Variants in MBD5 observed in about 807,000 individuals in gnomAD.
The protein encoded by MBD5 is methyl-CpG binding domain protein 5, also known as methyl-CpG-binding domain protein 5.
MBD5 carries 13 observed loss-of-function variants against 117.3 expected under a neutral mutation model. That is an observed-to-expected ratio of 0.11 (90% CI 0.07 to 0.18). MBD5 has a LOEUF of 0.18. MBD5 is among the 10% of genes least tolerant of loss of function. The pLI is 1.00. For synonymous variants in MBD5, 727 were observed against 766.4 expected (o/e 0.95, Z 0.85); for missense variants, 1,879 against 2,093.8 (o/e 0.90, Z 2.00).
intron 3 of MBD5, among the ~76,000 whole-genome samples, chr2:148,336,829 C>G (rs1248021987): frequency 6.6e-6 from 1 of 152,150 alleles, no homozygotes; most frequent in East Asian, 1.9e-4. Flanking sequence ...CCTTTTGGTA[C>G]CATGTGCCAG....
chr2:148,145,606 A>G (rs2105580389), intron 1 of MBD5, among the ~76,000 whole-genome samples: 1 of 152,248 alleles, frequency 6.6e-6, no homozygotes, highest in African/African-American at 2.4e-5. Context: ...AGCTCTTATT[A>G]TTTTGAGATA....
intron 4 of MBD5, among the ~76,000 whole-genome samples, chr2:148,388,852 A>T (rs751394211): frequency 6.6e-6 from 1 of 152,092 alleles, no homozygotes; most frequent in African/African-American, 2.4e-5. Flanking sequence ...CAAAATTATT[A>T]TAATTTCAGG....
intron 2 of MBD5, among the ~76,000 whole-genome samples, chr2:148,213,492 C>G (rs1699479606): frequency 6.6e-6 from 1 of 152,068 alleles, no homozygotes; most frequent in South Asian, 2.1e-4. Context: ...TCAGATGATA[C>G]TTAAACAGTA....
At chr2:148,047,322 A>G (rs1694560294) in intron 1 of MBD5, among the ~76,000 whole-genome samples, 1 of 152,196 alleles carries the variant, frequency 6.6e-6, no homozygotes, top group Non-Finnish European at 1.5e-5. Flanking sequence ...TAAGACCATG[A>G]CCTTTACTAA....
intron 1 of MBD5, among the ~76,000 whole-genome samples, chr2:148,150,817 C>T (rs1252795513): frequency 6.6e-6 from 1 of 152,132 alleles, no homozygotes; most frequent in African/African-American, 2.4e-5. Flanking sequence ...GCTGAAGTTG[C>T]TTATCAGCTT....
chr2:148,187,111 CTCAG>C (rs138721588), intron 2 of MBD5, among the ~76,000 whole-genome samples: 3,199 of 152,234 alleles, frequency 0.021, 102 homozygotes, highest in African/African-American at 0.073. Context: ...GTCCTACCTA[CTCAG>C]GAGGCTGAAG....
At position 148,342,372 on chromosome 2, in the gene MBD5, A is replaced by G. The variant is rs572611619; in HGVS notation, c.-557+36A>G. 6 of 152,126 alleles carry G rather than the reference A, an allele frequency of 3.9e-5. No individual in the cohort carries two copies. In the Middle Eastern group the frequency reaches 0.014, roughly 345 times the overall value. The allele number at this position is 152,126 out of a possible 1,614,324, so 9.4% of individuals were successfully genotyped here. On this transcript the variant is annotated intron_variant, in intron 4 of 13. Transcript: ENST00000642680. Reference sequence around the variant, plus strand: ...TGGTTTCTCTTCATAGATTCTTCATACAATTATAGTTTTTGTCTGCAGACT... The same window carrying G: ...TGGTTTCTCTTCATAGATTCTTCATGCAATTATAGTTTTTGTCTGCAGACT...
intron 1 of MBD5, among the ~76,000 whole-genome samples, chr2:148,098,748 G>A (rs1696128924): frequency 6.6e-6 from 1 of 152,052 alleles, no homozygotes; most frequent in Admixed American, 6.6e-5. Context: ...TGATGTAGGG[G>A]TTAGGAAGAA....
At chr2:148,337,664 TGTGAATAACC>T in intron 3 of MBD5, among the ~76,000 whole-genome samples, 1 of 143,064 alleles carries the variant, frequency 7.0e-6, no homozygotes, top group Non-Finnish European at 1.5e-5. Context: ...TTCTATGTCA[TGTGAATAACC>T]TATTAAAAAA....
In MBD5 at chr2:148,201,516, G is replaced by T. The variant is rs1156499299; in HGVS notation, c.-831+22723G>T. ...GCCCTGCTCTAGCCTGCACCTCCAG[G>T]GCTGCCTTGGCCTTGCTGCTGCTTC... On this transcript the variant is annotated intron_variant, in intron 2 of 13. Coordinates refer to ENST00000642680, the MANE Select transcript of MBD5 (RefSeq NM_001378120.1). Among the ~76,000 whole-genome samples the T allele has an allele frequency of 2.6e-4, 39 of 152,176 alleles. 1 individual carries two copies. The highest frequency in any genetic ancestry group is 2.6e-3 in the Admixed American group (39 of 15,274).
chr2:148,028,024 GACTCACTGTA>G (rs1358825986), intron 1 of MBD5: 2 of 152,054 alleles, frequency 1.3e-5, no homozygotes, highest in Non-Finnish European at 2.9e-5. Context: ...AAGCTGGAAT[GACTCACTGTA>G]ACTCACTATA....
intron 3 of MBD5, among the ~76,000 whole-genome samples, chr2:148,235,292 C>G (rs1700067872): frequency 6.6e-6 from 1 of 152,110 alleles, no homozygotes; most frequent in Admixed American, 6.6e-5. Flanking sequence ...ACTGACTATA[C>G]TATCAAATTT....
chr2:148,025,456 C>G (rs1693865780), intron 1 of MBD5: 1 of 150,856 alleles, frequency 6.6e-6, no homozygotes, highest in Non-Finnish European at 1.5e-5. Context: ...TGAAAATAGC[C>G]TATGTGGTTG....
rs548838849 is a variant in MBD5, at chr2:148,331,003, A to G, written c.-679-11211A>G. Among the ~76,000 whole-genome samples, 19 of 152,358 alleles carry G rather than the reference A, an allele frequency of 1.2e-4. 1 individual carries two copies. The South Asian group carries it at 3.1e-3, about 25-fold the overall frequency. On this transcript the variant is annotated intron_variant, in intron 3 of 13. Transcript: ENST00000642680. Reference sequence around the variant, plus strand: ...TAGAGCCAGGATTTGAATCTAATCTAGAACCTATGCTCCTACCCACAACAG... The same window carrying G: ...TAGAGCCAGGATTTGAATCTAATCTGGAACCTATGCTCCTACCCACAACAG...
rs148482020 is a variant in MBD5 at position 148,439,954 on chromosome 2, G to A, written c.-556-18249G>A. ...CAGGTTCTGCTATGTTGCCAGGCTG[G>A]TCTCAAGCTCCTAGCCTCAAGCAGT... On this transcript the variant is annotated intron_variant, in intron 4 of 13. Transcript: ENST00000642680. Among the ~76,000 whole-genome samples the A allele has an allele frequency of 4.9e-3, 750 of 152,156 alleles. 5 individuals carry two copies. The highest frequency in any genetic ancestry group is 8.2e-3 in the Non-Finnish European group (560 of 68,014).
At chr2:148,497,662 A>G (rs1681742699) in intron 11 of MBD5, among the ~76,000 whole-genome samples, 2 of 151,926 alleles carry the variant, frequency 1.3e-5, no homozygotes, top group South Asian at 2.1e-4. Context: ...GTGCACCCCT[A>G]TAATTCTAGC....
chr2:148,188,698 A>C (rs1698735965), intron 2 of MBD5, among the ~76,000 whole-genome samples: 1 of 151,998 alleles, frequency 6.6e-6, no homozygotes, highest in Non-Finnish European at 1.5e-5. Context: ...AAAAAAAAAA[A>C]AAAAATCAAT....
chr2:148,421,881 G>C (rs1431771735), intron 4 of MBD5, among the ~76,000 whole-genome samples: 1 of 152,226 alleles, frequency 6.6e-6, no homozygotes, highest in East Asian at 1.9e-4. Flanking sequence ...TGCCTCTCTA[G>C]ATTCCTCCTC....
At chr2:148,370,331 A>T (rs1442263322) in intron 4 of MBD5, among the ~76,000 whole-genome samples, 1 of 152,134 alleles carries the variant, frequency 6.6e-6, no homozygotes, top group Non-Finnish European at 1.5e-5. Flanking sequence ...CCTTCATTGT[A>T]CTGATGAGCT....
Sources: gnomAD v4.1 joint callset for allele counts (sites outside exome capture counted in the v4.1 genomes callset) on GRCh38, gnomAD v4.1.1 for gene constraint, MANE v1.5 for transcripts, NCBI Gene and HGNC (gene_info 2026-07-23, HGNC 2026-07-21) for gene names.